Variants in FGF12 observed in about 807,000 individuals in gnomAD.
FGF12 encodes the protein fibroblast growth factor 12.
A neutral mutation model predicts 23.6 loss-of-function variants in FGF12; 14 were observed. The ratio of observed to expected loss-of-function variants is 0.59; its 90% confidence interval spans 0.39 to 0.93. The LOEUF (loss-of-function observed/expected upper bound fraction) is 0.93. FGF12 is among the 40% of genes least tolerant of loss of function. FGF12 has a pLI of 0.00. For missense variants in FGF12, 175 were observed against 217.8 expected (o/e 0.80, Z 1.24); for synonymous variants, 62 against 77.3 (o/e 0.80, Z 1.04).
Position 192,167,731 on chromosome 3 carries a change from G to GTGTATATA in FGF12, c.427+2726_427+2727insTATATACA, listed in dbSNP as rs1461525196. Among the ~76,000 whole-genome samples, 57 of 25,034 alleles carry GTGTATATA rather than the reference G, an allele frequency of 2.3e-3. 3 individuals carry two copies. Among genetic ancestry groups the GTGTATATA allele is most frequent in the Middle Eastern group, 0.042 (1 of 24 alleles). 16.4% of individuals were successfully genotyped at this position (25,034 alleles called of 152,430 possible). ...CTAAAATTAGGAGGGTAGGTTATAG[G>GTGTATATA]TATATATATATATATATATATATAT... On this transcript the variant is annotated intron_variant, in intron 5 of 5. Transcript: ENST00000445105.
chr3:192,557,389 A>G (rs892840280), intron 2 of FGF12, among the ~76,000 whole-genome samples: 5 of 151,880 alleles, frequency 3.3e-5, no homozygotes, highest in African/African-American at 1.2e-4. Flanking sequence ...AATAATACCA[A>G]TTACAGGTAA....
intron 2 of FGF12, among the ~76,000 whole-genome samples, chr3:192,654,697 G>A (rs1691969940): frequency 6.6e-6 from 1 of 152,198 alleles, no homozygotes; most frequent in Admixed American, 6.5e-5. Flanking sequence ...GAGGCTTCTT[G>A]AACGTAGTCC....
intron 4 of FGF12, among the ~76,000 whole-genome samples, chr3:192,236,631 G>A (rs1719311906): frequency 6.6e-6 from 1 of 152,078 alleles, no homozygotes; most frequent in African/African-American, 2.4e-5. Context: ...TTTGATCACT[G>A]TTGGCTTAAA....
chr3:192,522,196 TCAA>T (rs1354951012), intron 2 of FGF12, among the ~76,000 whole-genome samples: 4 of 26,282 alleles, frequency 1.5e-4, no homozygotes, highest in Admixed American at 3.9e-4. Context: ...AGACTCCGTC[TCAA>T]AAAAAAAAAA....
intron 2 of FGF12, among the ~76,000 whole-genome samples, chr3:192,610,153 G>T (rs983060685): frequency 5.3e-5 from 8 of 152,030 alleles, no homozygotes; most frequent in Non-Finnish European, 1.5e-5. Flanking sequence ...CAGAATCACA[G>T]AATCTCAGAA....
chr3:192,272,587 C>A (rs1218743959), intron 4 of FGF12, among the ~76,000 whole-genome samples: 1 of 152,124 alleles, frequency 6.6e-6, no homozygotes, highest in Non-Finnish European at 1.5e-5. Flanking sequence ...GCTTGGTACT[C>A]TTTTAAATGA....
chr3:192,380,064 T>C lies in FGF12; in HGVS notation c.14-19526A>G, dbSNP rs79375749. On this transcript the variant is annotated intron_variant, in intron 2 of 5. Transcript: ENST00000445105. ...GGGGAAATAAATAACAGGAAATTAA[T>C]AACAATATTTAAATTAAAGGCTATG... 7.7e-3 allele frequency among the ~76,000 whole-genome samples: 1,177 copies of C among 152,252 alleles called. 8 individuals are homozygous for C. Among genetic ancestry groups the C allele is most frequent in the Non-Finnish European group, 0.013 (850 of 67,998 alleles).
chr3:192,223,886 TC>T (rs1718597574), intron 4 of FGF12, among the ~76,000 whole-genome samples: 1 of 152,130 alleles, frequency 6.6e-6, no homozygotes, highest in African/African-American at 2.4e-5. Context: ...CCGCAAACTC[TC>T]CTGCCTAATG....
intron 2 of FGF12, among the ~76,000 whole-genome samples, chr3:192,547,103 A>G (rs1323356839): frequency 6.6e-6 from 1 of 152,162 alleles, no homozygotes; most frequent in Non-Finnish European, 1.5e-5. Context: ...GCCTCCACAA[A>G]TGTTCCTTAG....
intron 2 of FGF12, among the ~76,000 whole-genome samples, chr3:192,392,591 CGA>C (rs67784749): frequency 0.045 from 1,876 of 41,798 alleles, 51 homozygotes; most frequent in African/African-American, 0.057. Context: ...AGTGAAACTC[CGA>C]GAGAGAGAGA....
At chr3:192,636,572 T>C (rs1715592908) in intron 2 of FGF12, among the ~76,000 whole-genome samples, 1 of 152,246 alleles carries the variant, frequency 6.6e-6, no homozygotes, top group Non-Finnish European at 1.5e-5. Flanking sequence ...GTCAAGGATA[T>C]GACAGTGTCT....
At chr3:192,619,397 C>T (rs1230553869) in intron 2 of FGF12, among the ~76,000 whole-genome samples, 1 of 152,104 alleles carries the variant, frequency 6.6e-6, no homozygotes, top group Non-Finnish European at 1.5e-5. Flanking sequence ...TAGACTAGTG[C>T]GTATAGCAGG....
At chr3:192,457,057 T>G (rs1192310363) in intron 2 of FGF12, among the ~76,000 whole-genome samples, 1 of 152,114 alleles carries the variant, frequency 6.6e-6, no homozygotes, top group Non-Finnish European at 1.5e-5. Flanking sequence ...TTATCAGGGG[T>G]TTCCGCTTTT....
intron 5 of FGF12, among the ~76,000 whole-genome samples, chr3:192,146,513 C>T (rs888657603): frequency 1.1e-4 from 16 of 152,132 alleles, no homozygotes; most frequent in African/African-American, 3.9e-4. Context: ...TCGTGATCCA[C>T]CCGCCTCGAC....
At chr3:192,340,340 A>G (rs1023499220) in intron 3 of FGF12, among the ~76,000 whole-genome samples, 2 of 152,100 alleles carry the variant, frequency 1.3e-5, no homozygotes, top group Non-Finnish European at 2.9e-5. Context: ...GCTCTCCAAA[A>G]CAAAACTCAC....
At chr3:192,301,998 T>TA (rs1361086139) in intron 4 of FGF12, among the ~76,000 whole-genome samples, 2 of 152,166 alleles carry the variant, frequency 1.3e-5, no homozygotes, top group Admixed American at 6.6e-5. Context: ...ATGAAGAGAA[T>TA]AAGAGAAACC....
intron 2 of FGF12, among the ~76,000 whole-genome samples, chr3:192,407,411 G>C (rs1399968440): frequency 6.6e-6 from 1 of 152,150 alleles, no homozygotes; most frequent in Non-Finnish European, 1.5e-5. Flanking sequence ...GGAAAATGAA[G>C]ACTGTGTAAA....
chr3:192,702,393 C>T (rs1175296602), intron 2 of FGF12, among the ~76,000 whole-genome samples: 3 of 152,138 alleles, frequency 2.0e-5, no homozygotes, highest in Non-Finnish European at 2.9e-5. Flanking sequence ...GAGAAATTCA[C>T]CTTGAAAATA....
intron 4 of FGF12, among the ~76,000 whole-genome samples, chr3:192,219,293 C>T (rs1718355287): frequency 1.3e-5 from 2 of 152,052 alleles, no homozygotes; most frequent in South Asian, 2.1e-4. Flanking sequence ...CCATGTTGGC[C>T]AGGCTGGTCT....
Sources: allele counts gnomAD v4.1 joint callset (sites outside exome capture counted in the v4.1 genomes callset), GRCh38; gene constraint gnomAD v4.1.1; transcripts MANE v1.5; gene names NCBI Gene and HGNC (gene_info 2026-07-23, HGNC 2026-07-21).